Variants in NEXMIF observed in about 807,000 individuals in gnomAD.
NEXMIF encodes neurite extension and migration factor, also known as XLMR protein related to neurite extension.
In NEXMIF, 8 loss-of-function variants were observed where a neutral mutation model predicts 62.1. That is an observed-to-expected ratio of 0.13 (90% confidence interval 0.08 to 0.23). The LOEUF (loss-of-function observed/expected upper bound fraction) is 0.23. NEXMIF is among the 10% of genes least tolerant of loss of function. The pLI is 1.00. For synonymous variants in NEXMIF, 404 were observed against 416.6 expected (o/e 0.97, Z 0.37); for missense variants, 976 against 1,113.3 (o/e 0.88, Z 1.75).
chrX:74,809,136 C>A (rs1030746201), intron 1 of NEXMIF, among the ~76,000 whole-genome samples: 2 of 111,354 alleles, frequency 1.8e-5, no homozygotes, highest in Non-Finnish European at 3.8e-5. Context: ...GACTTCCCAG[C>A]CTCCAGAAGT....
chrX:74,796,456 T>C lies in NEXMIF; in HGVS notation c.-47-50759A>G, dbSNP rs182926654. ...TGGTAAAAATGACCACTCCTAGATC[T>C]TGGTTTCTAAATAACATTTTCCAAT... is the stretch of plus-strand genomic sequence containing the variant. On this transcript the variant is annotated intron_variant, in intron 1 of 3. Transcript: ENST00000055682. Among the ~76,000 whole-genome samples the C allele has an allele frequency of 3.3e-3, 344 of 103,793 alleles. 2 individuals carry two copies. Among genetic ancestry groups the C allele is most frequent in the African/African-American group, 0.011 (328 of 28,594 alleles). The allele number at this position is 103,793 out of a possible 115,157, so 90.1% of individuals were successfully genotyped here.
intron 1 of NEXMIF, among the ~76,000 whole-genome samples, chrX:74,864,789 A>G (rs2080571734): frequency 9.1e-6 from 1 of 110,231 alleles, no homozygotes; most frequent in Admixed American, 9.6e-5. Flanking sequence ...GCTCAATGCA[A>G]CCTCAGCCTC....
Position 74,904,911 on chromosome X carries a change from T to A in NEXMIF, c.-48+19972A>T, listed in dbSNP as rs761468235. On this transcript the variant is annotated intron_variant, in intron 1 of 3. Coordinates refer to ENST00000055682, the MANE Select transcript of NEXMIF (RefSeq NM_001008537.3). ...CCCTAGAGACTTCCAATTTTGCTCT[T>A]CAGTATTTTACAGGCAGAACCACTA... 2.7e-5 allele frequency among the ~76,000 whole-genome samples: 3 copies of A among 111,296 alleles called. No individual in the cohort carries two copies. In the East Asian group the frequency reaches 8.5e-4, roughly 32 times the overall value.
rs188601712 is a variant in NEXMIF at position 74,840,841 on chromosome X, G to T, written c.-48+84042C>A. Among the ~76,000 whole-genome samples, 565 of 111,607 alleles carry T rather than the reference G, an allele frequency of 5.1e-3. 6 individuals are homozygous for T. Among genetic ancestry groups the T allele is most frequent in the African/African-American group, 0.017 (536 of 30,731 alleles). On this transcript the variant is annotated intron_variant, in intron 1 of 3. Coordinates refer to ENST00000055682, the MANE Select transcript of NEXMIF (RefSeq NM_001008537.3). ...TTTCTATTCTGTTCCACTGTTCTAT[G>T]TGCCTGTTTTGTACCAGTATCATGC...
At chrX:74,924,598 C>T (rs1356327709) in intron 1 of NEXMIF, among the ~76,000 whole-genome samples, 1 of 113,493 alleles carries the variant, frequency 8.8e-6, no homozygotes, top group Non-Finnish European at 1.9e-5. Flanking sequence ...CTCCGGTCCG[C>T]TCGCTTCCCC....
chrX:74,879,221 C>T (rs921012493), intron 1 of NEXMIF, among the ~76,000 whole-genome samples: 4 of 111,564 alleles, frequency 3.6e-5, no homozygotes, highest in African/African-American at 6.5e-5. Flanking sequence ...GTTAAATTTC[C>T]GAAGAACACA....
At chrX:74,790,487 A>C (rs1482463795) in intron 1 of NEXMIF, among the ~76,000 whole-genome samples, 1 of 110,577 alleles carries the variant, frequency 9.0e-6, no homozygotes, top group African/African-American at 3.2e-5. Flanking sequence ...ATGAACTTTA[A>C]AGTAGTTTTT....
At chrX:74,901,207 G>A (rs1259746139) in intron 1 of NEXMIF, among the ~76,000 whole-genome samples, 1 of 111,927 alleles carries the variant, frequency 8.9e-6, no homozygotes, top group Non-Finnish European at 1.9e-5. Flanking sequence ...TATAAAGAAT[G>A]GGCTTTCTGG....
intron 1 of NEXMIF, among the ~76,000 whole-genome samples, chrX:74,883,035 G>C (rs1426835077): frequency 1.8e-5 from 2 of 111,864 alleles, no homozygotes; most frequent in African/African-American, 3.3e-5. Flanking sequence ...TAGGCAAACA[G>C]GGTCTGGAGT....
chrX:74,872,803 C>A (rs1251223443), intron 1 of NEXMIF, among the ~76,000 whole-genome samples: 2 of 109,702 alleles, frequency 1.8e-5, no homozygotes, highest in Non-Finnish European at 3.8e-5. Flanking sequence ...ATATACATAC[C>A]TACTATGTGT....
chrX:74,856,200 C>G (rs1022673403), intron 1 of NEXMIF, among the ~76,000 whole-genome samples: 11 of 111,904 alleles, frequency 9.8e-5, no homozygotes, highest in African/African-American at 3.6e-4. Flanking sequence ...AAAACAATGT[C>G]TCACCAAATA....
At position 74,877,139 on chromosome X, in the gene NEXMIF, C is replaced by A. The variant is rs866533394; in HGVS notation, c.-48+47744G>T. On this transcript the variant is annotated intron_variant, in intron 1 of 3. Transcript: ENST00000055682. Reference sequence around the variant, plus strand: ...TTGCAGCAGCTGGTACAGGTCGTTCCTTTCCATGTTTAGCGCTTCCTTCAG... The same window carrying A: ...TTGCAGCAGCTGGTACAGGTCGTTCATTTCCATGTTTAGCGCTTCCTTCAG... Among the ~76,000 whole-genome samples the A allele has an allele frequency of 4.3e-4, 48 of 111,727 alleles. No individual in the cohort carries two copies. The Middle Eastern group carries it at 0.014, about 32-fold the overall frequency.
chrX:74,786,775 T>C (rs1035560064), intron 1 of NEXMIF, among the ~76,000 whole-genome samples: 25 of 110,388 alleles, frequency 2.3e-4, no homozygotes, highest in Non-Finnish European at 1.3e-4. Context: ...ATATGTAGAA[T>C]TTAGAGGCCA....
chrX:74,879,340 C>A (rs917282472), intron 1 of NEXMIF, among the ~76,000 whole-genome samples: 1 of 112,042 alleles, frequency 8.9e-6, no homozygotes, highest in African/African-American at 3.2e-5. Context: ...AGGAGCTCAA[C>A]AAATTCCAAG....
intron 1 of NEXMIF, among the ~76,000 whole-genome samples, chrX:74,782,492 C>T (rs1479142490): frequency 9.0e-6 from 1 of 111,023 alleles, no homozygotes; most frequent in Non-Finnish European, 1.9e-5. Context: ...TAAGTCCTCC[C>T]TACTACAGAC....
intron 1 of NEXMIF, among the ~76,000 whole-genome samples, chrX:74,786,998 C>T (rs772773834): frequency 7.4e-5 from 8 of 108,075 alleles, no homozygotes; most frequent in Admixed American, 6.0e-4. Flanking sequence ...CAGTGGCTCA[C>T]GCCTGTAATC....
intron 1 of NEXMIF, among the ~76,000 whole-genome samples, chrX:74,910,999 A>G (rs1055013698): frequency 3.6e-5 from 4 of 111,426 alleles, no homozygotes; most frequent in African/African-American, 1.3e-4. Flanking sequence ...ACAAACTAAT[A>G]CTGTGGCTTA....
intron 1 of NEXMIF, among the ~76,000 whole-genome samples, chrX:74,841,590 A>T (rs1412619977): frequency 8.9e-6 from 1 of 111,801 alleles, no homozygotes; most frequent in Non-Finnish European, 1.9e-5. Flanking sequence ...GCTTTTCCCC[A>T]TTCCGCATGT....
At chrX:74,762,978 C>T (rs906809912) in intron 1 of NEXMIF, among the ~76,000 whole-genome samples, 36 of 111,883 alleles carry the variant, frequency 3.2e-4, no homozygotes, top group African/African-American at 1.0e-3. Flanking sequence ...TAATTAGATA[C>T]CATCTATCAA....
Sources: allele counts gnomAD v4.1 joint callset (sites outside exome capture counted in the v4.1 genomes callset), GRCh38; gene constraint gnomAD v4.1.1; transcripts MANE v1.5; gene names NCBI Gene and HGNC (gene_info 2026-07-23, HGNC 2026-07-21).